Variants in FGGY observed in about 807,000 individuals in gnomAD.
The protein encoded by FGGY is FGGY carbohydrate kinase domain containing, also known as FGGY carbohydrate kinase domain-containing protein.
In FGGY, 72 loss-of-function variants were observed where a neutral mutation model predicts 71.3. The ratio of observed to expected loss-of-function variants is 1.01; its 90% confidence interval spans 0.84 to 1.23. The LOEUF (loss-of-function observed/expected upper bound fraction) is 1.23. FGGY is among the 50% of genes most tolerant of loss of function. The pLI, the probability that FGGY is intolerant of heterozygous loss-of-function variation, is 0.00. For synonymous variants in FGGY, 251 were observed against 250.3 expected (o/e 1.00, Z -0.02); for missense variants, 668 against 682.3 (o/e 0.98, Z 0.23).
In FGGY at chr1:59,445,290, A is replaced by C. The variant is rs115903489; in HGVS notation, c.555-11671A>C. On this transcript the variant is annotated intron_variant, in intron 5 of 15. Coordinates refer to ENST00000303721, the MANE Select transcript of FGGY (RefSeq NM_018291.5). ...CTCACTTCCAGCCCTGGGCACATGCAGTTCTTTCTACCTGGTGCAGTCCTC... is the reference window on the plus strand; with the variant it reads ...CTCACTTCCAGCCCTGGGCACATGCCGTTCTTTCTACCTGGTGCAGTCCTC... Among the ~76,000 whole-genome samples the C allele has an allele frequency of 3.4e-3, 518 of 152,236 alleles. 3 individuals carry two copies. The highest frequency in any genetic ancestry group is 0.011 in the African/African-American group (454 of 41,550).
chr1:59,471,822 C>T (rs1389726312), intron 6 of FGGY, among the ~76,000 whole-genome samples: 6 of 152,212 alleles, frequency 3.9e-5, no homozygotes, highest in Non-Finnish European at 8.8e-5. Context: ...CAAGGTTTTT[C>T]AGTAACTCTA....
intron 4 of FGGY, among the ~76,000 whole-genome samples, chr1:59,372,268 A>T (rs2057796520): frequency 6.6e-6 from 1 of 152,234 alleles, no homozygotes; most frequent in Admixed American, 6.5e-5. Context: ...CCATCAGAGA[A>T]TACTACAAAC....
At chr1:59,414,901 G>T (rs557134783) in intron 5 of FGGY, among the ~76,000 whole-genome samples, 1 of 152,348 alleles carries the variant, frequency 6.6e-6, no homozygotes, top group South Asian at 2.1e-4. Flanking sequence ...CAGCATCCTG[G>T]CTTACAAGGC....
intron 8 of FGGY, among the ~76,000 whole-genome samples, chr1:59,588,165 G>A (rs1285843840): frequency 2.6e-5 from 4 of 152,208 alleles, no homozygotes; most frequent in African/African-American, 7.2e-5. Flanking sequence ...CTCAGGAGCC[G>A]ATGTGATCAA....
chr1:59,470,830 G>C (rs2092904296), intron 6 of FGGY, among the ~76,000 whole-genome samples: 1 of 152,204 alleles, frequency 6.6e-6, no homozygotes, highest in Admixed American at 6.5e-5. Flanking sequence ...ATTCTTTATA[G>C]TGTGTGGCTT....
At chr1:59,651,342 G>C (rs1300543023) in intron 11 of FGGY, among the ~76,000 whole-genome samples, 3 of 151,010 alleles carry the variant, frequency 2.0e-5, no homozygotes, top group Non-Finnish European at 4.4e-5. Flanking sequence ...GTCTAATGTT[G>C]ACAGTGGGGT....
chr1:59,364,465 T>C (rs1197803964), intron 4 of FGGY, among the ~76,000 whole-genome samples: 1 of 152,234 alleles, frequency 6.6e-6, no homozygotes, highest in African/African-American at 2.4e-5. Flanking sequence ...TATCCATTCA[T>C]TCCTTTTATT....
chr1:59,408,170 A>G (rs1371036451), intron 5 of FGGY, among the ~76,000 whole-genome samples: 4 of 152,308 alleles, frequency 2.6e-5, no homozygotes, highest in Middle Eastern at 3.4e-3. Context: ...TGGCTTGAGA[A>G]CCTGATACCA....
intron 14 of FGGY, among the ~76,000 whole-genome samples, chr1:59,724,588 C>A (rs970497988): frequency 6.6e-6 from 1 of 151,978 alleles, no homozygotes; most frequent in Non-Finnish European, 1.5e-5. Flanking sequence ...ATAGTTCTAC[C>A]TTTTCTAAAA....
At chr1:59,706,985 G>A (rs2097761456) in intron 14 of FGGY, among the ~76,000 whole-genome samples, 1 of 152,144 alleles carries the variant, frequency 6.6e-6, no homozygotes, top group African/African-American at 2.4e-5. Context: ...TGACAGCACA[G>A]GCAGAGGGCT....
At chr1:59,581,953 T>G (rs2096202417) in intron 8 of FGGY, among the ~76,000 whole-genome samples, 1 of 150,022 alleles carries the variant, frequency 6.7e-6, no homozygotes, top group African/African-American at 2.5e-5. Flanking sequence ...ATCATCTATT[T>G]GATAAATTGT....
intron 2 of FGGY, among the ~76,000 whole-genome samples, chr1:59,329,947 C>T (rs1208985847): frequency 6.6e-6 from 1 of 152,174 alleles, no homozygotes; most frequent in African/African-American, 2.4e-5. Flanking sequence ...TTGGATAGTG[C>T]TGCCCCAAAC....
At chr1:59,491,153 TTCTC>T (rs1161766539) in intron 6 of FGGY, among the ~76,000 whole-genome samples, 3 of 142,584 alleles carry the variant, frequency 2.1e-5, no homozygotes, top group Non-Finnish European at 3.0e-5. Flanking sequence ...CTTTCTCTCT[TTCTC>T]TCTTTTTTTC....
Position 59,564,102 on chromosome 1 carries a change from G to A in FGGY, c.903+9875G>A, listed in dbSNP as rs138666225. ...CGTAAAAAACCTAGAAGAAAACCTA[G>A]GCAGTACCATTCAGGATGTAGGCAT... is the stretch of plus-strand genomic sequence containing the variant. On this transcript the variant is annotated intron_variant, in intron 8 of 15. Transcript: ENST00000303721. Among the ~76,000 whole-genome samples the A allele has an allele frequency of 4.4e-3, 665 of 152,224 alleles. 2 individuals are homozygous for A. The highest frequency in any genetic ancestry group is 6.8e-3 in the Middle Eastern group (2 of 294).
chr1:59,726,367 A>G (rs571714505), intron 14 of FGGY, among the ~76,000 whole-genome samples: 1 of 150,422 alleles, frequency 6.6e-6, no homozygotes, highest in South Asian at 2.1e-4. Flanking sequence ...TATATTCATG[A>G]GAGAGAGTGG....
At position 59,638,294 on chromosome 1, in the gene FGGY, T is replaced by A; in HGVS notation, c.1140T>A (p.Gly380=). 2 of 1,614,114 alleles carry A rather than the reference T, an allele frequency of 1.2e-6. No homozygotes were observed. The highest frequency in any genetic ancestry group is 2.2e-5 in the South Asian group (2 of 91,078). The change falls in exon 11 of 16, where the codon GGT becomes GGA. Residue 380 remains glycine, a synonymous_variant. Coordinates refer to ENST00000303721, the MANE Select transcript of FGGY (RefSeq NM_018291.5). The stretch of plus-strand genomic sequence containing the variant: ...TGATTAAGAAGGCTCAGCCTGTGGG[T>A]TTCCTTACTGTTGATTTACATGTTT... ...LDLIKKAQPV[G]FLTVDLHVWP...
At position 59,581,435 on chromosome 1, in the gene FGGY, T is replaced by C. The variant is rs1344977313; in HGVS notation, c.904-26368T>C. Among the ~76,000 whole-genome samples the C allele has an allele frequency of 4.0e-5, 6 of 149,994 alleles. 1 individual carries two copies. Among genetic ancestry groups the C allele is most frequent in the Non-Finnish European group, 8.8e-5 (6 of 67,958 alleles). ...AGAAGCTATTGGTCACCAGCTTAAATAGCACCTTTTCATTATAACATTGCT... is the reference window on the plus strand; with the variant it reads ...AGAAGCTATTGGTCACCAGCTTAAACAGCACCTTTTCATTATAACATTGCT... On this transcript the variant is annotated intron_variant, in intron 8 of 15. Coordinates refer to ENST00000303721, the MANE Select transcript of FGGY (RefSeq NM_018291.5).
upstream of FGGY, chr1:59,296,916 C>T (rs2042018243): frequency 6.6e-6 from 1 of 152,490 alleles, no homozygotes; most frequent in Non-Finnish European, 1.5e-5. Flanking sequence ...CTGTAAGTGA[C>T]CCTCCTCTCA....
intron 1 of FGGY, among the ~76,000 whole-genome samples, chr1:59,320,412 G>A (rs1026322582): frequency 1.3e-5 from 2 of 152,162 alleles, no homozygotes; most frequent in African/African-American, 4.8e-5. Flanking sequence ...TAGACTCTGG[G>A]TGGTAAAACT....
Sources: allele counts gnomAD v4.1 joint callset (sites outside exome capture counted in the v4.1 genomes callset), GRCh38; gene constraint gnomAD v4.1.1; transcripts MANE v1.5; gene names NCBI Gene and HGNC (gene_info 2026-07-23, HGNC 2026-07-21).